The following LRCH1 variants were observed in gnomAD, a reference collection of about 807,000 sequenced individuals.
LRCH1 encodes the protein leucine rich repeats and calponin homology domain containing 1.
LRCH1 carries 23 observed loss-of-function variants against 94.9 expected under a neutral mutation model. The observed-to-expected ratio is 0.24, with a 90% CI of 0.17 to 0.34. The LOEUF is 0.34. LRCH1 is among the 10% of genes least tolerant of loss of function. The pLI is 1.00. For missense variants in LRCH1, 790 were observed against 945.9 expected (o/e 0.84, Z 2.16); for synonymous variants, 364 against 354.9 (o/e 1.03, Z -0.29).
At chr13:46,670,797 G>A (rs114429843) in intron 3 of LRCH1, among the ~76,000 whole-genome samples, 283 of 148,406 alleles carry the variant, frequency 1.9e-3, no homozygotes, top group African/African-American at 6.9e-3. Context: ...AAGCCCATGT[G>A]GGATTTCCTA....
Position 46,553,303 on chromosome 13 carries a change from C to T in LRCH1, c.-94C>T, listed in dbSNP as rs2050019929. On this transcript the variant is annotated 5_prime_UTR_variant, in exon 1 of 20. Coordinates refer to ENST00000389797, the MANE Select transcript of LRCH1 (RefSeq NM_001164211.2). ...TCCAGCGCCTTTCGGTGGAGCACTG[C>T]GGCACTCAGCCCGAGCTGCCGTTTT... 9.7e-7 allele frequency: 1 copy of T among 1,034,440 alleles called. No individual in the cohort carries two copies. Among genetic ancestry groups the T allele is most frequent in the Non-Finnish European group, 1.4e-6 (1 of 718,964 alleles). The allele number at this position is 1,034,440 out of a possible 1,614,324, so 64.1% of individuals were successfully genotyped here. A position where few individuals can be genotyped will look rare whatever the true frequency, so the allele number is the denominator to read the frequency against.
At chr13:46,722,407 A>G (rs1398719232) in intron 16 of LRCH1, among the ~76,000 whole-genome samples, 1 of 152,244 alleles carries the variant, frequency 6.6e-6, no homozygotes, top group Non-Finnish European at 1.5e-5. Context: ...GCTTTGTATC[A>G]TTAAAAAGTT....
chr13:46,601,835 A>G (rs2050632191), intron 1 of LRCH1, among the ~76,000 whole-genome samples: 1 of 152,108 alleles, frequency 6.6e-6, no homozygotes, highest in African/African-American at 2.4e-5. Context: ...GGCTTGTATC[A>G]TAGTACCCAC....
chr13:46,636,580 TTCTC>T (rs2051093201), intron 1 of LRCH1, among the ~76,000 whole-genome samples: 1 of 152,172 alleles, frequency 6.6e-6, no homozygotes. Flanking sequence ...TAATCGTCCA[TTCTC>T]TCCTGAACCC....
intron 1 of LRCH1, among the ~76,000 whole-genome samples, chr13:46,554,904 A>G (rs1294028480): frequency 6.6e-6 from 1 of 152,214 alleles, no homozygotes; most frequent in African/African-American, 2.4e-5. Flanking sequence ...GTTGACTCTC[A>G]TCACAGGAGC....
rs537637943 is a variant in LRCH1, at chr13:46,578,759, A to G, written c.307+25056A>G. Among the ~76,000 whole-genome samples, 176 of 152,190 alleles carry G rather than the reference A, an allele frequency of 1.2e-3. 1 individual carries two copies. The highest frequency in any genetic ancestry group is 4.0e-3 in the African/African-American group (166 of 41,524). On this transcript the variant is annotated intron_variant, in intron 1 of 19. Coordinates refer to ENST00000389797, the MANE Select transcript of LRCH1 (RefSeq NM_001164211.2). Reference sequence around the variant, plus strand: ...TTGAATTATGCAGTCAGATGCTTACATCGTGGGAGGGGGATGTACGGGGTG... The same window carrying G: ...TTGAATTATGCAGTCAGATGCTTACGTCGTGGGAGGGGGATGTACGGGGTG...
intron 18 of LRCH1, among the ~76,000 whole-genome samples, chr13:46,732,955 C>T (rs1873187219): frequency 6.6e-6 from 1 of 152,198 alleles, no homozygotes; most frequent in South Asian, 2.1e-4. Context: ...TTTCACAGGG[C>T]AACAGACTCT....
chr13:46,685,093 G>A (rs1383445106), intron 4 of LRCH1, among the ~76,000 whole-genome samples: 1 of 152,112 alleles, frequency 6.6e-6, no homozygotes, highest in Non-Finnish European at 1.5e-5. Context: ...AAGTTCCGAG[G>A]CCTCGTTCTG....
At chr13:46,733,208 C>T (rs905868765) in intron 18 of LRCH1, among the ~76,000 whole-genome samples, 5 of 152,106 alleles carry the variant, frequency 3.3e-5, no homozygotes, top group African/African-American at 7.2e-5. Context: ...GTGTTCAAAA[C>T]GTACCATGTA....
At chr13:46,634,766 A>G (rs1399010489) in intron 1 of LRCH1, among the ~76,000 whole-genome samples, 1 of 152,082 alleles carries the variant, frequency 6.6e-6, no homozygotes, top group African/African-American at 2.4e-5. Flanking sequence ...TCTGTCTCTA[A>G]TATCTAGCAT....
chr13:46,553,734 G>T, intron 1 of LRCH1, 31 bp downstream of exon 1: 1 of 1,600,080 alleles, frequency 6.2e-7, no homozygotes, highest in Non-Finnish European at 8.5e-7. Context: ...GGGCAGGGGT[G>T]TGGGTGCTGT....
At chr13:46,721,083 T>C (rs1182911851) in intron 16 of LRCH1, among the ~76,000 whole-genome samples, 3 of 152,122 alleles carry the variant, frequency 2.0e-5, no homozygotes, top group Non-Finnish European at 2.9e-5. Flanking sequence ...AATTAAAAAA[T>C]GATGCCAGGA....
At chr13:46,636,194 C>T (rs1360580563) in intron 1 of LRCH1, among the ~76,000 whole-genome samples, 1 of 151,332 alleles carries the variant, frequency 6.6e-6, no homozygotes, top group Non-Finnish European at 1.5e-5. Flanking sequence ...CTCTGCCTCC[C>T]GAGTAGCTGG....
At chr13:46,659,138 T>G (rs1348968964) in intron 2 of LRCH1, among the ~76,000 whole-genome samples, 1 of 152,146 alleles carries the variant, frequency 6.6e-6, no homozygotes, top group African/African-American at 2.4e-5. Context: ...TTCACAATTT[T>G]TTTTCTGATA....
intron 1 of LRCH1, among the ~76,000 whole-genome samples, chr13:46,585,772 C>G (rs149343635): frequency 6.6e-6 from 1 of 151,764 alleles, no homozygotes; most frequent in African/African-American, 2.4e-5. Flanking sequence ...CCCTGCCCAC[C>G]CCCACCTTCC....
At chr13:46,667,678 A>T (rs1483143363) in intron 2 of LRCH1, among the ~76,000 whole-genome samples, 2 of 152,132 alleles carry the variant, frequency 1.3e-5, no homozygotes, top group African/African-American at 2.4e-5. Context: ...AAGTATAATT[A>T]AAAAAATAAA....
intron 1 of LRCH1, among the ~76,000 whole-genome samples, chr13:46,558,598 AGC>A (rs2050094783): frequency 2.1e-5 from 3 of 143,782 alleles, no homozygotes; most frequent in Non-Finnish European, 4.6e-5. Context: ...AAAAAAAAAA[AGC>A]TGGGTTCCTG....
At chr13:46,573,860 ATATATATT>A (rs1240922868) in intron 1 of LRCH1, among the ~76,000 whole-genome samples, 1 of 73,880 alleles carries the variant, frequency 1.4e-5, no homozygotes, top group Non-Finnish European at 2.4e-5. Context: ...ATATATATAT[ATATATATT>A]TTTTTTTTTT....
chr13:46,739,953 C>T (rs1398346927), intron 19 of LRCH1, among the ~76,000 whole-genome samples: 1 of 152,176 alleles, frequency 6.6e-6, no homozygotes, highest in Non-Finnish European at 1.5e-5. Flanking sequence ...GCAGACCAGA[C>T]ATGTTCCTTA....
Sources: gnomAD v4.1 joint callset for allele counts (sites outside exome capture counted in the v4.1 genomes callset) on GRCh38, gnomAD v4.1.1 for gene constraint, MANE v1.5 for transcripts, NCBI Gene and HGNC (gene_info 2026-07-23, HGNC 2026-07-21) for gene names.